LRP1B: variants seen among roughly 807,000 people sequenced by gnomAD.
LRP1B encodes LDL receptor related protein 1B.
Under a neutral mutation model 556.6 loss-of-function variants are expected in LRP1B, and 217 were observed. The observed-to-expected ratio is 0.39, with a 90% confidence interval of 0.35 to 0.44. LRP1B has a LOEUF of 0.44. LRP1B is among the 20% of genes least tolerant of loss of function. The pLI is 1.00. For synonymous variants in LRP1B, 2,047 were observed against 1,865.8 expected (o/e 1.10, Z -2.50); for missense variants, 5,053 against 5,620.8 (o/e 0.90, Z 3.23).
chr2:140,517,718 T>TTC (rs995485185), intron 49 of LRP1B, among the ~76,000 whole-genome samples: 1 of 147,376 alleles, frequency 6.8e-6, no homozygotes, highest in South Asian at 2.1e-4. Flanking sequence ...CCTTTTTTTT[T>TTC]TTTTTTTGTT....
At chr2:140,294,572 G>A (rs928265601) in intron 84 of LRP1B, among the ~76,000 whole-genome samples, 1 of 152,178 alleles carries the variant, frequency 6.6e-6, no homozygotes, top group African/African-American at 2.4e-5. Flanking sequence ...TTTAAGCTGA[G>A]CAGAGTCACA....
rs556727905 is a variant in LRP1B, at chr2:140,700,768, A to G, written c.6428-147T>C. ...TTTAAGCTGGTCAATAAAAAATTAA[A>G]AAAGTATTGTTTTTTAAAAAATCAC... On this transcript the variant is annotated intron_variant, in intron 40 of 90. Transcript: ENST00000389484. The G allele has an allele frequency of 2.4e-4, 201 of 837,618 alleles. 2 individuals carry two copies. The highest frequency in any genetic ancestry group is 3.0e-4 in the Non-Finnish European group (164 of 547,622). The allele number at this position is 837,618 out of a possible 1,614,324, so 51.9% of individuals were successfully genotyped here. A position where few individuals can be genotyped will look rare whatever the true frequency, so the allele number is the denominator to read the frequency against.
At chr2:141,096,629 G>GGAGAGAGAGAGAGAGA (rs756327718) in intron 7 of LRP1B, among the ~76,000 whole-genome samples, 12 of 59,734 alleles carry the variant, frequency 2.0e-4, no homozygotes, top group African/African-American at 3.7e-4. Flanking sequence ...GGGGAGAGGG[G>GGAGAGAGAGAGAGAGA]GAGAGAGAGA....
At chr2:141,374,501 A>G (rs1216010436) in intron 3 of LRP1B, among the ~76,000 whole-genome samples, 8 of 152,154 alleles carry the variant, frequency 5.3e-5, no homozygotes, top group Non-Finnish European at 4.4e-5. Flanking sequence ...GCTGCCGGGA[A>G]TACCAATAAT....
At chr2:141,739,921 C>T (rs1444527959) in intron 2 of LRP1B, among the ~76,000 whole-genome samples, 3 of 151,812 alleles carry the variant, frequency 2.0e-5, no homozygotes, top group Admixed American at 2.0e-4. Flanking sequence ...TACTATATAT[C>T]AAATCATTAT....
At chr2:140,252,000 C>T (rs936662128) in intron 86 of LRP1B, among the ~76,000 whole-genome samples, 1 of 139,614 alleles carries the variant, frequency 7.2e-6, no homozygotes, top group Non-Finnish European at 1.5e-5. Flanking sequence ...AAGGTCTACA[C>T]TCCATGTATC....
At chr2:141,626,394 G>C (rs532119107) in intron 2 of LRP1B, among the ~76,000 whole-genome samples, 1 of 152,240 alleles carries the variant, frequency 6.6e-6, no homozygotes, top group Non-Finnish European at 1.5e-5. Context: ...AAGTGACCTA[G>C]GGTTTGAAGG....
At chr2:141,638,152 A>C (rs141757626) in intron 2 of LRP1B, among the ~76,000 whole-genome samples, 266 of 152,242 alleles carry the variant, frequency 1.7e-3, no homozygotes, top group Non-Finnish European at 3.1e-3. Context: ...CACCCACTGC[A>C]CTACAGCCTG....
At chr2:140,933,109 G>A (rs1573894948) in intron 20 of LRP1B, among the ~76,000 whole-genome samples, 1 of 151,748 alleles carries the variant, frequency 6.6e-6, no homozygotes, top group African/African-American at 2.4e-5. Flanking sequence ...ATTTTCCTTA[G>A]GTAGCCATGC....
At chr2:140,487,770 A>C (rs1688529899) in intron 57 of LRP1B, 31 bp from the exon 58 acceptor site, 1 of 1,387,592 alleles carries the variant, frequency 7.2e-7, no homozygotes, top group Non-Finnish European at 9.9e-7. Flanking sequence ...GTTGTCAATG[A>C]TAGTTCATAG....
At chr2:140,726,925 C>T (rs1371425612) in intron 35 of LRP1B, among the ~76,000 whole-genome samples, 1 of 152,006 alleles carries the variant, frequency 6.6e-6, no homozygotes, top group East Asian at 1.9e-4. Flanking sequence ...AGATTAGGTG[C>T]ATCTTTTTCA....
chr2:141,544,327 TCTTCTTC>T (rs1446196462), intron 2 of LRP1B, among the ~76,000 whole-genome samples: 46 of 61,662 alleles, frequency 7.5e-4, no homozygotes, highest in East Asian at 2.4e-3. Context: ...TTCTTCTTCT[TCTTCTTC>T]TTCTTCTTCT....
intron 3 of LRP1B, among the ~76,000 whole-genome samples, chr2:141,314,891 TATAC>T (rs1398848424): frequency 2.1e-5 from 3 of 144,348 alleles, no homozygotes; most frequent in Non-Finnish European, 4.5e-5. Flanking sequence ...TATATACATA[TATAC>T]ATATATATAT....
At chr2:140,514,460 T>C (rs1023271686) in intron 51 of LRP1B, among the ~76,000 whole-genome samples, 193 bp downstream of exon 51, 6 of 151,938 alleles carry the variant, frequency 3.9e-5, no homozygotes, top group Non-Finnish European at 8.8e-5. Flanking sequence ...ATACCAAATA[T>C]TGAATAACAG....
chr2:141,432,871 T>G (rs1385627090), intron 3 of LRP1B, among the ~76,000 whole-genome samples: 1 of 152,024 alleles, frequency 6.6e-6, no homozygotes, highest in African/African-American at 2.4e-5. Flanking sequence ...GCTCCATTGA[T>G]CTTCTCTCTC....
chr2:141,304,704 T>C lies in LRP1B; in HGVS notation c.344-50063A>G, dbSNP rs1279331198. Among the ~76,000 whole-genome samples the C allele has an allele frequency of 3.3e-5, 5 of 152,074 alleles. No individual in the cohort carries two copies. The South Asian group carries it at 8.3e-4, about 25-fold the overall frequency. On this transcript the variant is annotated intron_variant, in intron 3 of 90. Transcript: ENST00000389484. ...TTAGTAGAGATGGGGTTTCACCATG[T>C]TGGCCAGTCTGGTCTCGAACTCCTG...
rs142353313 is a variant in LRP1B, at chr2:142,000,831, G to A, written c.82+129817C>T. On this transcript the variant is annotated intron_variant, in intron 1 of 90. Coordinates refer to ENST00000389484, the MANE Select transcript of LRP1B (RefSeq NM_018557.3). ...CAAGAGCCCAGATCACCCAAATATT[G>A]AGAGAGAAAATGAGAACTGAAGCTA... 5.1e-3 allele frequency among the ~76,000 whole-genome samples: 780 copies of A among 152,212 alleles called. 7 individuals are homozygous for A. The highest frequency in any genetic ancestry group is 0.018 in the African/African-American group (742 of 41,536).
intron 14 of LRP1B, among the ~76,000 whole-genome samples, chr2:141,007,492 G>A (rs1336406972): frequency 6.1e-5 from 9 of 147,966 alleles, no homozygotes; most frequent in Admixed American, 6.1e-4. Context: ...CCTAATACAG[G>A]GTTTTTTTAA....
chr2:142,033,861 T>C (rs1038191831), intron 1 of LRP1B, among the ~76,000 whole-genome samples: 5 of 151,842 alleles, frequency 3.3e-5, no homozygotes, highest in African/African-American at 1.2e-4. Context: ...TGTTCTCTGT[T>C]GTATCATTAC....
Sources: allele counts gnomAD v4.1 joint callset (sites outside exome capture counted in the v4.1 genomes callset), GRCh38; gene constraint gnomAD v4.1.1; transcripts MANE v1.5; gene names NCBI Gene and HGNC (gene_info 2026-07-23, HGNC 2026-07-21).